Variants in RFX3 observed in about 807,000 individuals in gnomAD.
The protein encoded by RFX3 is transcription factor RFX3.
A neutral mutation model predicts 98.6 loss-of-function variants in RFX3; 14 were observed. That is an observed-to-expected ratio of 0.14 (90% CI 0.09 to 0.22). RFX3 has a LOEUF of 0.22. RFX3 is among the 10% of genes least tolerant of loss of function. The pLI, the probability that RFX3 is intolerant of heterozygous loss-of-function variation, is 1.00. For missense variants in RFX3, 639 were observed against 926.9 expected (o/e 0.69, Z 4.03); for synonymous variants, 383 against 328.4 (o/e 1.17, Z -1.80).
Position 3,471,620 on chromosome 9 carries a change from G to A in RFX3, c.-9+54127C>T, listed in dbSNP as rs10972176. Among the ~76,000 whole-genome samples, 36 of 152,230 alleles carry A rather than the reference G, an allele frequency of 2.4e-4. No homozygotes were observed. In the East Asian group the frequency reaches 5.8e-3, roughly 24 times the overall value. On this transcript the variant is annotated intron_variant, in intron 1 of 16. Coordinates refer to ENST00000617270, the MANE Select transcript of RFX3 (RefSeq NM_001282116.2). The stretch of plus-strand genomic sequence containing the variant: ...ACTTATGTTCCCAATATAGAATTAC[G>A]TTTAAAATATATCTGTCTAAGACTT...
chr9:3,310,450 T>G (rs926335900), intron 4 of RFX3, among the ~76,000 whole-genome samples: 1 of 152,262 alleles, frequency 6.6e-6, no homozygotes, highest in African/African-American at 2.4e-5. Flanking sequence ...GGCTTTTTAA[T>G]CTTTTGTTAA....
chr9:3,256,973 G>A lies in RFX3; in HGVS notation c.1814+18C>T. On this transcript the variant is annotated intron_variant, in intron 14 of 16. Transcript: ENST00000617270. ...GCAGAATATGAAGAAGAAAGCCTAGGAAAAACCTAGATGATACCTGTAGAA... is the reference window on the plus strand; with the variant it reads ...GCAGAATATGAAGAAGAAAGCCTAGAAAAAACCTAGATGATACCTGTAGAA... 1 of 1,610,650 alleles carries A rather than the reference G, an allele frequency of 6.2e-7. No individual in the cohort carries two copies. The highest frequency in any genetic ancestry group is 8.5e-7 in the Non-Finnish European group (1 of 1,177,152).
intron 4 of RFX3, among the ~76,000 whole-genome samples, chr9:3,304,810 T>C (rs969623030): frequency 1.3e-5 from 2 of 151,992 alleles, no homozygotes; most frequent in South Asian, 2.1e-4. Context: ...GTCTCAGATA[T>C]GTCTTTATCA....
intron 1 of RFX3, among the ~76,000 whole-genome samples, chr9:3,440,019 T>C (rs1285289465): frequency 6.6e-6 from 1 of 152,040 alleles, no homozygotes; most frequent in Non-Finnish European, 1.5e-5. Context: ...TTAACAATCA[T>C]CTAAATAGGC....
At chr9:3,373,300 G>A (rs1267144696) in intron 2 of RFX3, among the ~76,000 whole-genome samples, 5 of 152,074 alleles carry the variant, frequency 3.3e-5, no homozygotes, top group Non-Finnish European at 7.4e-5. Flanking sequence ...CCATCTTTTG[G>A]CAGCTAAGAC....
At chr9:3,236,643 G>A (rs1304662837) in intron 15 of RFX3, among the ~76,000 whole-genome samples, 2 of 152,178 alleles carry the variant, frequency 1.3e-5, no homozygotes, top group East Asian at 3.9e-4. Context: ...TTATCAGATG[G>A]CGGAAGTGAC....
chr9:3,229,134 C>T (rs567987958), intron 15 of RFX3, among the ~76,000 whole-genome samples: 1 of 152,282 alleles, frequency 6.6e-6, no homozygotes, highest in Admixed American at 6.5e-5. Flanking sequence ...TCTCTGCTTT[C>T]CTTGCTCCAT....
chr9:3,464,609 G>A (rs1431427714), intron 1 of RFX3, among the ~76,000 whole-genome samples: 1 of 152,164 alleles, frequency 6.6e-6, no homozygotes, highest in Admixed American at 6.5e-5. Flanking sequence ...GGAGCAATGA[G>A]ATGGGGTAAA....
At chr9:3,253,269 T>G (rs1041097712) in intron 14 of RFX3, among the ~76,000 whole-genome samples, 2 of 152,238 alleles carry the variant, frequency 1.3e-5, no homozygotes, top group African/African-American at 4.8e-5. Context: ...ATCACGCCTG[T>G]GATCCTTATG....
intron 3 of RFX3, among the ~76,000 whole-genome samples, chr9:3,340,902 G>C (rs9408234): frequency 0.17 from 25,777 of 152,084 alleles, 2,251 homozygotes; most frequent in Middle Eastern, 0.21. Flanking sequence ...TCCCATTACT[G>C]GGTACATACC....
At chr9:3,352,164 C>A (rs552387186) in intron 2 of RFX3, among the ~76,000 whole-genome samples, 150 of 151,864 alleles carry the variant, frequency 9.9e-4, no homozygotes, top group South Asian at 2.1e-3. Context: ...TGTTGTGGAA[C>A]AATACTTATT....
intron 3 of RFX3, among the ~76,000 whole-genome samples, chr9:3,342,063 T>C (rs1212863065): frequency 1.3e-5 from 2 of 152,196 alleles, no homozygotes; most frequent in African/African-American, 4.8e-5. Flanking sequence ...TATGGGAAAA[T>C]AATTAGATGA....
rs1480315740 is a variant in RFX3, at chr9:3,470,951, A to G, written c.-9+54796T>C. The stretch of plus-strand genomic sequence containing the variant: ...AAAAATCTCTGGCTATTTCTTTTCT[A>G]ACTTTCTGAAATCTGTTCAAGATAA... On this transcript the variant is annotated intron_variant, in intron 1 of 16. Coordinates refer to ENST00000617270, the MANE Select transcript of RFX3 (RefSeq NM_001282116.2). Among the ~76,000 whole-genome samples, 3 of 152,196 alleles carry G rather than the reference A, an allele frequency of 2.0e-5. No homozygotes were observed. The South Asian group carries it at 6.2e-4, about 32-fold the overall frequency.
intron 2 of RFX3, among the ~76,000 whole-genome samples, chr9:3,378,551 C>T (rs1398180187): frequency 1.2e-3 from 160 of 138,680 alleles, no homozygotes; most frequent in Admixed American, 5.0e-3. Flanking sequence ...TATTTTTTTT[C>T]TTTCTTTTTT....
At chr9:3,499,556 G>A (rs1382678048) in intron 1 of RFX3, among the ~76,000 whole-genome samples, 1 of 151,976 alleles carries the variant, frequency 6.6e-6, no homozygotes, top group African/African-American at 2.4e-5. Flanking sequence ...TAAATGAGAA[G>A]AAAAGCACAG....
chr9:3,307,351 A>G (rs1214751527), intron 4 of RFX3, among the ~76,000 whole-genome samples: 2 of 152,128 alleles, frequency 1.3e-5, no homozygotes, highest in Non-Finnish European at 2.9e-5. Context: ...CCACTGTTAA[A>G]AAGTCTTGAG....
At chr9:3,493,096 C>T (rs922029488) in intron 1 of RFX3, among the ~76,000 whole-genome samples, 1 of 152,044 alleles carries the variant, frequency 6.6e-6, no homozygotes, top group African/African-American at 2.4e-5. Context: ...AGCATGGTGC[C>T]AGGCATCTAA....
intron 1 of RFX3, among the ~76,000 whole-genome samples, chr9:3,496,685 A>AT: frequency 6.6e-6 from 1 of 152,108 alleles, no homozygotes; most frequent in East Asian, 1.9e-4. Flanking sequence ...AAAATCTGGG[A>AT]TCAAGGCAGT....
chr9:3,478,798 A>T (rs1273169395), intron 1 of RFX3, among the ~76,000 whole-genome samples: 1 of 152,152 alleles, frequency 6.6e-6, no homozygotes, highest in Non-Finnish European at 1.5e-5. Flanking sequence ...CTTTCCTTTT[A>T]AATTCCTGGC....
Sources: allele counts gnomAD v4.1 joint callset (sites outside exome capture counted in the v4.1 genomes callset), GRCh38; gene constraint gnomAD v4.1.1; transcripts MANE v1.5; gene names NCBI Gene and HGNC (gene_info 2026-07-23, HGNC 2026-07-21).